CCSER1: variants seen among roughly 807,000 people sequenced by gnomAD.
The protein encoded by CCSER1 is serine-rich coiled-coil domain-containing protein 1.
In CCSER1, 41 loss-of-function variants were observed where a neutral mutation model predicts 82.0. That is an observed-to-expected ratio of 0.50 (90% CI 0.39 to 0.65). The LOEUF is 0.65. CCSER1 is among the 30% of genes least tolerant of loss of function. The pLI is 0.00. For synonymous variants in CCSER1, 414 were observed against 383.9 expected (o/e 1.08, Z -0.92); for missense variants, 1,119 against 1,064.2 (o/e 1.05, Z -0.72).
chr4:91,480,168 G>C (rs1462849813), intron 10 of CCSER1, among the ~76,000 whole-genome samples: 2 of 151,634 alleles, frequency 1.3e-5, no homozygotes, highest in African/African-American at 4.9e-5. Flanking sequence ...TTGGTTCCAA[G>C]TCTTTGCTAT....
chr4:91,446,669 A>ATATATATATATATATATATATATATATTT (rs1755581943), intron 10 of CCSER1, among the ~76,000 whole-genome samples: 1 of 40,596 alleles, frequency 2.5e-5, no homozygotes, highest in Non-Finnish European at 6.3e-5. Context: ...TATATTTTAA[A>ATATATATATATATATATATATATATATTT]TAAATAAATA....
chr4:90,496,181 A>G (rs1768972105), intron 5 of CCSER1, among the ~76,000 whole-genome samples: 1 of 152,214 alleles, frequency 6.6e-6, no homozygotes, highest in Admixed American at 6.5e-5. Flanking sequence ...ACAATTAAAG[A>G]AGCTTAACAG....
chr4:91,050,741 G>A (rs1192361139), intron 9 of CCSER1, among the ~76,000 whole-genome samples: 1 of 152,140 alleles, frequency 6.6e-6, no homozygotes, highest in Non-Finnish European at 1.5e-5. Flanking sequence ...CAAAGCATCA[G>A]AGGCCAGTCC....
chr4:90,410,230 A>G (rs879097071), intron 4 of CCSER1, among the ~76,000 whole-genome samples: 1 of 152,196 alleles, frequency 6.6e-6, no homozygotes, highest in Non-Finnish European at 1.5e-5. Context: ...AATGAGACAG[A>G]AAGTTAGCAA....
chr4:90,401,185 A>C (rs1435129374), intron 4 of CCSER1, among the ~76,000 whole-genome samples: 1 of 152,184 alleles, frequency 6.6e-6, no homozygotes, highest in Non-Finnish European at 1.5e-5. Context: ...TTTCGGTTGA[A>C]TACCACTTTA....
intron 8 of CCSER1, among the ~76,000 whole-genome samples, chr4:90,831,886 CAT>C (rs1046920649): frequency 2.1e-4 from 32 of 152,108 alleles, no homozygotes; most frequent in East Asian, 1.4e-3. Context: ...TTGATATATT[CAT>C]ATGTCTCTCC....
rs147646910 is a variant in CCSER1, at chr4:90,814,159, G to A, written c.2011-1603G>A. ...CTCTGAAGAAAGACCTGGGCTGTACGTTGGCCCCTATTAGCCATGACTGGA... is the reference window on the plus strand; with the variant it reads ...CTCTGAAGAAAGACCTGGGCTGTACATTGGCCCCTATTAGCCATGACTGGA... On this transcript the variant is annotated intron_variant, in intron 7 of 10. Transcript: ENST00000509176. Among the ~76,000 whole-genome samples, 486 of 152,302 alleles carry A rather than the reference G, an allele frequency of 3.2e-3. 2 individuals are homozygous for A. Among genetic ancestry groups the A allele is most frequent in the African/African-American group, 0.01 (436 of 41,574 alleles).
intron 1 of CCSER1, among the ~76,000 whole-genome samples, chr4:90,137,972 C>T (rs1425763570): frequency 2.0e-5 from 3 of 152,302 alleles, no homozygotes; most frequent in East Asian, 1.9e-4. Context: ...CAGTAATATT[C>T]TGTGTATGTT....
chr4:91,150,762 T>C (rs750833210), intron 10 of CCSER1, among the ~76,000 whole-genome samples: 1 of 152,218 alleles, frequency 6.6e-6, no homozygotes, highest in Non-Finnish European at 1.5e-5. Context: ...GTTTATATGA[T>C]GGATTACATT....
intron 3 of CCSER1, among the ~76,000 whole-genome samples, chr4:90,363,714 T>C (rs115016763): frequency 0.016 from 2,376 of 152,234 alleles, 33 homozygotes; most frequent in Non-Finnish European, 0.023. Flanking sequence ...TATTAAAATA[T>C]GACCTACAGT....
intron 10 of CCSER1, among the ~76,000 whole-genome samples, chr4:91,248,711 A>G (rs995592883): frequency 6.6e-6 from 1 of 152,130 alleles, no homozygotes; most frequent in East Asian, 1.9e-4. Flanking sequence ...TTTCTGAAAC[A>G]GAAAAAGGAT....
At chr4:90,561,937 C>T (rs1320839812) in intron 5 of CCSER1, among the ~76,000 whole-genome samples, 1 of 152,054 alleles carries the variant, frequency 6.6e-6, no homozygotes, top group East Asian at 1.9e-4. Context: ...CCTGTAATCC[C>T]AGCACTTTGG....
At chr4:91,300,355 C>T (rs1418548852) in intron 10 of CCSER1, among the ~76,000 whole-genome samples, 2 of 151,796 alleles carry the variant, frequency 1.3e-5, no homozygotes, top group Non-Finnish European at 2.9e-5. Flanking sequence ...CTGAATAAGA[C>T]TCGAAGGCAC....
Position 91,598,919 on chromosome 4 carries a change from G to A in CCSER1, c.2565G>A (p.Gln855=). The stretch of plus-strand genomic sequence containing the variant: ...AGGACCAAGTTGCTACGGCCCGACA[G>A]CATTCGACCTTTACAGGCAGGTTTG... ...KPKDQVATAR[Q]HSTFTGRFGQ... Residue 855 remains glutamine, a synonymous_variant, in exon 11 of 11, where the codon CAG becomes CAA. Transcript: ENST00000509176. The A allele has an allele frequency of 6.4e-7, 1 of 1,551,590 alleles. No homozygotes were observed. The highest frequency in any genetic ancestry group is 8.7e-7 in the Non-Finnish European group (1 of 1,146,924).
chr4:91,454,703 G>A (rs1000551767), intron 10 of CCSER1, among the ~76,000 whole-genome samples: 5 of 151,756 alleles, frequency 3.3e-5, no homozygotes, highest in African/African-American at 7.3e-5. Context: ...AAATTACTAA[G>A]TTGGCACTGT....
chr4:90,303,235 T>A (rs1733522282), intron 1 of CCSER1, among the ~76,000 whole-genome samples: 2 of 152,202 alleles, frequency 1.3e-5, no homozygotes, highest in Admixed American at 6.5e-5. Context: ...TCATTAAGTA[T>A]TTAGGAGCAA....
chr4:91,534,373 T>C (rs1761193626), intron 10 of CCSER1, among the ~76,000 whole-genome samples: 1 of 152,044 alleles, frequency 6.6e-6, no homozygotes, highest in African/African-American at 2.4e-5. Flanking sequence ...AATTTAATGT[T>C]CTTGGAATTT....
intron 10 of CCSER1, among the ~76,000 whole-genome samples, chr4:91,556,627 T>C (rs902168969): frequency 6.6e-6 from 1 of 151,016 alleles, no homozygotes; most frequent in Admixed American, 6.6e-5. Context: ...GGATGAAATA[T>C]GTTATATAAA....
intron 5 of CCSER1, among the ~76,000 whole-genome samples, chr4:90,599,187 G>A (rs139526446): frequency 5.2e-4 from 79 of 152,238 alleles, no homozygotes; most frequent in African/African-American, 1.8e-3. Flanking sequence ...TGGTTTGACT[G>A]TGTGTCCCCA....
Sources: allele counts gnomAD v4.1 joint callset (sites outside exome capture counted in the v4.1 genomes callset), GRCh38; gene constraint gnomAD v4.1.1; transcripts MANE v1.5; gene names NCBI Gene and HGNC (gene_info 2026-07-23, HGNC 2026-07-21).